Variants in SAE1 observed in about 807,000 individuals in gnomAD.
SAE1 encodes the protein SUMO1 activating enzyme subunit 1, also known as SUMO-activating enzyme subunit 1.
Under a neutral mutation model 40.6 loss-of-function variants are expected in SAE1, and 11 were observed. The observed-to-expected ratio is 0.27, with a 90% CI of 0.17 to 0.45. The LOEUF (loss-of-function observed/expected upper bound fraction) is 0.45. Among genes scored for constraint, SAE1 ranks in the 20% least tolerant of loss-of-function variants. The pLI is 1.00. For missense variants in SAE1, 373 were observed against 427.3 expected (o/e 0.87, Z 1.12); for synonymous variants, 155 against 154.3 (o/e 1.00, Z -0.03).
chr19:47,204,509 C>CCCCT (rs398034856), intron 8 of SAE1, among the ~76,000 whole-genome samples: 1 of 112,980 alleles, frequency 8.9e-6, no homozygotes, highest in Admixed American at 9.0e-5. Flanking sequence ...CACCCCCCCC[C>CCCCT]TTTTTTTTTT....
At chr19:47,161,764 A>C (rs2123233070) in intron 5 of SAE1, among the ~76,000 whole-genome samples, 1 of 152,294 alleles carries the variant, frequency 6.6e-6, no homozygotes, top group African/African-American at 2.4e-5. Context: ...TGGGTTTCTC[A>C]TTCCTATGCA....
intron 1 of SAE1, among the ~76,000 whole-genome samples, chr19:47,140,920 CT>C: frequency 1.3e-5 from 2 of 152,098 alleles, no homozygotes; most frequent in Non-Finnish European, 2.9e-5. Context: ...ACAGTCTTGG[CT>C]CATTGAAACC....
chr19:47,193,180 C>T (rs2058590514), intron 6 of SAE1, among the ~76,000 whole-genome samples: 2 of 151,684 alleles, frequency 1.3e-5, no homozygotes, highest in African/African-American at 2.4e-5. Context: ...GCCTCAGCCT[C>T]CCGAGTAGCT....
chr19:47,155,177 A>G lies in SAE1; in HGVS notation c.591A>G (p.Ala197=). Residue 197 remains alanine, a synonymous_variant, in exon 5 of 9, where the codon GCA becomes GCG. Coordinates refer to ENST00000270225, the MANE Select transcript of SAE1 (RefSeq NM_005500.3). ...AAGATGGGCCCGACACCAAGAGAGC[A>G]AAACTTGATTCTTCTGAGACAACGA... ...GVEDGPDTKR[A]KLDSSETTMV... 2 of 1,614,104 alleles carry G rather than the reference A, an allele frequency of 1.2e-6. No homozygotes were observed. The highest frequency in any genetic ancestry group is 1.7e-6 in the Non-Finnish European group (2 of 1,179,956).
intron 5 of SAE1, among the ~76,000 whole-genome samples, chr19:47,166,101 T>A (rs1336501323): frequency 2.0e-5 from 3 of 152,196 alleles, no homozygotes; most frequent in Admixed American, 2.0e-4. Context: ...TTCTCAGGAC[T>A]TTTTGTGGGC....
At chr19:47,188,851 A>G (rs1404766249) in intron 6 of SAE1, among the ~76,000 whole-genome samples, 2 of 152,162 alleles carry the variant, frequency 1.3e-5, no homozygotes, top group Non-Finnish European at 2.9e-5. Context: ...GGGACAGGCA[A>G]ATATTCAGAG....
intron 1 of SAE1, among the ~76,000 whole-genome samples, chr19:47,135,125 A>G (rs547480031): frequency 1.8e-4 from 28 of 152,268 alleles, no homozygotes; most frequent in African/African-American, 6.7e-4. Flanking sequence ...TAATCACATC[A>G]GGGTAAATGG....
At chr19:47,207,745 C>T (rs966439828) in intron 8 of SAE1, among the ~76,000 whole-genome samples, 1 of 152,018 alleles carries the variant, frequency 6.6e-6, no homozygotes, top group Non-Finnish European at 1.5e-5. Context: ...AGTGATCCTC[C>T]CACCTCAGCT....
chr19:47,204,640 G>T (rs1394963182), intron 8 of SAE1, among the ~76,000 whole-genome samples: 1 of 151,386 alleles, frequency 6.6e-6, no homozygotes, highest in Non-Finnish European at 1.5e-5. Flanking sequence ...CCGAGCAGCT[G>T]AGAGTACAGG....
chr19:47,177,793 A>G (rs2058479234), intron 6 of SAE1, among the ~76,000 whole-genome samples: 1 of 152,134 alleles, frequency 6.6e-6, no homozygotes, highest in African/African-American at 2.4e-5. Flanking sequence ...AGGAGGGGAG[A>G]TCTGAGCTGT....
At chr19:47,190,414 T>G (rs946216405) in intron 6 of SAE1, among the ~76,000 whole-genome samples, 1 of 152,196 alleles carries the variant, frequency 6.6e-6, no homozygotes, top group Non-Finnish European at 1.5e-5. Flanking sequence ...AGCGAGAACT[T>G]GTCAGGGGCT....
chr19:47,181,925 T>G (rs1247085006), intron 6 of SAE1, among the ~76,000 whole-genome samples: 1 of 151,486 alleles, frequency 6.6e-6, no homozygotes, highest in Non-Finnish European at 1.5e-5. Context: ...CACATCACCC[T>G]TCTGAGTAGG....
At chr19:47,175,005 G>A (rs139858397) in intron 6 of SAE1, among the ~76,000 whole-genome samples, 85 of 152,074 alleles carry the variant, frequency 5.6e-4, no homozygotes, top group African/African-American at 1.9e-3. Flanking sequence ...CACCGTGCCC[G>A]GCAGTGAGAA....
intron 6 of SAE1, among the ~76,000 whole-genome samples, chr19:47,182,077 C>T (rs1027691538): frequency 6.6e-6 from 1 of 152,074 alleles, no homozygotes; most frequent in Non-Finnish European, 1.5e-5. Flanking sequence ...TGAGCCACTG[C>T]ACCCAGCCTG....
At chr19:47,207,505 C>T (rs1440504074) in intron 8 of SAE1, among the ~76,000 whole-genome samples, 1 of 152,118 alleles carries the variant, frequency 6.6e-6, no homozygotes. Flanking sequence ...AATTTCAATC[C>T]TTTCTGGGTT....
intron 6 of SAE1, chr19:47,180,100 T>C: frequency 2.2e-6 from 1 of 448,002 alleles, no homozygotes; most frequent in Non-Finnish European, 4.5e-6. Flanking sequence ...TAGTAATAGA[T>C]GTATGTGTGT....
intron 6 of SAE1, among the ~76,000 whole-genome samples, chr19:47,195,642 A>G (rs1600211186): frequency 6.7e-6 from 1 of 149,716 alleles, no homozygotes; most frequent in African/African-American, 2.5e-5. Flanking sequence ...ACTCCTTATC[A>G]TCTCTCTTCT....
chr19:47,203,118 G>T (rs1487050271), intron 7 of SAE1, among the ~76,000 whole-genome samples: 1 of 152,142 alleles, frequency 6.6e-6, no homozygotes, highest in Non-Finnish European at 1.5e-5. Flanking sequence ...GGAGGGGCAG[G>T]TGACTGTGTC....
chr19:47,132,424 GTT>G (rs74749546), intron 1 of SAE1, among the ~76,000 whole-genome samples: 8 of 130,946 alleles, frequency 6.1e-5, no homozygotes, highest in African/African-American at 5.6e-5. Flanking sequence ...ACTAATTTTT[GTT>G]TTTTTTTTTT....
Sources: allele counts gnomAD v4.1 joint callset (sites outside exome capture counted in the v4.1 genomes callset), GRCh38; gene constraint gnomAD v4.1.1; transcripts MANE v1.5; gene names NCBI Gene and HGNC (gene_info 2026-07-23, HGNC 2026-07-21).